The following CYP2C8 variants were observed in gnomAD, a reference collection of about 807,000 sequenced individuals.
CYP2C8 encodes cytochrome P450 family 2 subfamily C member 8, also known as cytochrome P450 2C8.
In CYP2C8, 51 loss-of-function variants were observed where a neutral mutation model predicts 41.3. The observed-to-expected ratio is 1.24, with a 90% CI of 0.99 to 1.56. CYP2C8 has a LOEUF of 1.56. CYP2C8 is among the 40% of genes most tolerant of loss of function. CYP2C8 has a pLI of 0.00. For missense variants in CYP2C8, 651 were observed against 579.9 expected (o/e 1.12, Z -1.26); for synonymous variants, 218 against 205.8 (o/e 1.06, Z -0.51).
chr10:95,046,748 TAAAAAAA>T lies in CYP2C8; in HGVS notation c.820-804_820-798del, dbSNP rs56702266. ...ATGAAGACTTCTATACTAAATATGG[TAAAAAAA>T]AAAAAAAAAAAAAGAAGGCACTTGA... On this transcript the variant is annotated intron_variant, in intron 5 of 8. Coordinates refer to ENST00000371270, the MANE Select transcript of CYP2C8 (RefSeq NM_000770.3). 2.3e-5 allele frequency among the ~76,000 whole-genome samples: 3 copies of T among 128,984 alleles called. No individual in the cohort carries two copies. The Admixed American group carries it at 2.4e-4, about 10-fold the overall frequency. 84.6% of individuals were successfully genotyped at this position (128,984 alleles called of 152,430 possible).
intron 5 of CYP2C8, among the ~76,000 whole-genome samples, chr10:95,049,840 G>A (rs990407659): frequency 4.6e-5 from 7 of 151,106 alleles, no homozygotes. Flanking sequence ...ACTTCCAAAA[G>A]AAACTGCTTT....
chr10:95,057,477 G>A (rs569237849), intron 5 of CYP2C8, among the ~76,000 whole-genome samples: 15 of 151,912 alleles, frequency 9.9e-5, no homozygotes, highest in South Asian at 2.1e-4. Flanking sequence ...TTTTTGTTGC[G>A]ACTGAATGAA....
rs377382488 is a variant in CYP2C8, at chr10:95,045,790, T to C, written c.961+20A>G. 6.2e-7 allele frequency: 1 copy of C among 1,613,736 alleles called. No individual in the cohort carries two copies. The highest frequency in any genetic ancestry group is 1.3e-5 in the African/African-American group (1 of 74,910). ...CAGCATTGTTCTGAAATTCACTTTG[T>C]TCATCATCTGTGGTCCTACCTGTGA... is the stretch of plus-strand genomic sequence containing the variant. On this transcript the variant is annotated intron_variant, in intron 6 of 8. Coordinates refer to ENST00000371270, the MANE Select transcript of CYP2C8 (RefSeq NM_000770.3).
At position 95,038,409 on chromosome 10, in the gene CYP2C8, TGGTCTGAC is replaced by T. The variant is rs551970516; in HGVS notation, c.1291+480_1291+487del. ...CCTGTGCTTTCCTCTCTCACAGTCC[TGGTCTGAC>T]TAAATTACAATGACCTGTTTACTCT... On this transcript the variant is annotated intron_variant, in intron 8 of 8. Transcript: ENST00000371270. 1.0e-3 allele frequency among the ~76,000 whole-genome samples: 153 copies of T among 152,316 alleles called. 1 individual carries two copies. Among genetic ancestry groups the T allele is most frequent in the Non-Finnish European group, 1.6e-3 (107 of 68,014 alleles).
intron 5 of CYP2C8, among the ~76,000 whole-genome samples, chr10:95,057,160 C>T (rs1012939619): frequency 2.0e-5 from 3 of 152,038 alleles, no homozygotes; most frequent in Non-Finnish European, 4.4e-5. Context: ...TAAATTGACA[C>T]GGCATACTGG....
At chr10:95,048,424 G>C (rs1435724322) in intron 5 of CYP2C8, among the ~76,000 whole-genome samples, 1 of 152,142 alleles carries the variant, frequency 6.6e-6, no homozygotes, top group East Asian at 1.9e-4. Context: ...GCAGGTGCAA[G>C]CACCACCTCT....
At chr10:95,069,132 G>T in intron 1 of CYP2C8, 103 bp downstream of exon 1, 4 of 1,299,300 alleles carry the variant, frequency 3.1e-6, no homozygotes, top group Admixed American at 1.7e-5. Context: ...GCTTTACAAT[G>T]ATCTATTATA....
intron 7 of CYP2C8, chr10:95,040,847 T>G: frequency 6.6e-6 from 3 of 454,846 alleles, no homozygotes; most frequent in South Asian, 4.7e-5. Flanking sequence ...AGGATACAAC[T>G]AAGCAGTCAC....
intron 5 of CYP2C8, among the ~76,000 whole-genome samples, chr10:95,050,884 C>T (rs76842296): frequency 1.4e-5 from 2 of 147,540 alleles, no homozygotes; most frequent in African/African-American, 2.5e-5. Context: ...ACAAAAAAAA[C>T]CCCAGACTAC....
In CYP2C8 at chr10:95,058,482, A is replaced by G. The variant is rs1411101501; in HGVS notation, c.672T>C (p.Asp224=). Residue 224 remains aspartate, a synonymous_variant, in exon 5 of 9, where the codon GAT becomes GAC. Coordinates refer to ENST00000371270, the MANE Select transcript of CYP2C8 (RefSeq NM_000770.3). ...QVCNNFPLLI[D]CFPGTHNKVL... Reference sequence around the variant, plus strand: ...CTTTGTTGTGAGTTCCTGGGAAACAATCAATGAGTAGAGGGAAATTATTGC... The same window carrying G: ...CTTTGTTGTGAGTTCCTGGGAAACAGTCAATGAGTAGAGGGAAATTATTGC... The G allele has an allele frequency of 1.2e-6, 2 of 1,612,988 alleles. No individual in the cohort carries two copies. Among genetic ancestry groups the G allele is most frequent in the South Asian group, 1.1e-5 (1 of 90,918 alleles).
At chr10:95,054,458 G>A (rs928257993) in intron 5 of CYP2C8, among the ~76,000 whole-genome samples, 2 of 152,040 alleles carry the variant, frequency 1.3e-5, no homozygotes, top group African/African-American at 2.4e-5. Context: ...ATATCAAATT[G>A]TGAAAATCTA....
Position 95,037,104 on chromosome 10 carries a change from G to A in CYP2C8, c.*24C>T, listed in dbSNP as rs1058932. Reference sequence around the variant, plus strand: ...AAAGAGTTGCAGGTGATAGCAGATCGGCAGCCAGATGGGCTAGCATTCTTC... The same window carrying A: ...AAAGAGTTGCAGGTGATAGCAGATCAGCAGCCAGATGGGCTAGCATTCTTC... On this transcript the variant is annotated 3_prime_UTR_variant, in exon 9 of 9. Coordinates refer to ENST00000371270, the MANE Select transcript of CYP2C8 (RefSeq NM_000770.3). 0.21 allele frequency: 335,384 copies of A among 1,608,544 alleles called. 38,589 individuals carry two copies. Among genetic ancestry groups the A allele is most frequent in the East Asian group, 0.41 (18,514 of 44,824 alleles).
chr10:95,041,965 T>G (rs2134409215), intron 7 of CYP2C8, among the ~76,000 whole-genome samples: 1 of 152,294 alleles, frequency 6.6e-6, no homozygotes, highest in East Asian at 1.9e-4. Flanking sequence ...AACTATCTGT[T>G]TCATAACAAA....
At chr10:95,063,637 C>A (rs1350774797) in intron 4 of CYP2C8, among the ~76,000 whole-genome samples, 1 of 152,224 alleles carries the variant, frequency 6.6e-6, no homozygotes, top group Non-Finnish European at 1.5e-5. Flanking sequence ...CTTCTCTCAG[C>A]TCGTCAAAGT....
chr10:95,064,581 G>A (rs1255151478), intron 4 of CYP2C8, among the ~76,000 whole-genome samples: 3 of 152,060 alleles, frequency 2.0e-5, no homozygotes, highest in Admixed American at 2.0e-4. Flanking sequence ...CACTTCTGAT[G>A]GGGAAATTTT....
Position 95,036,936 on chromosome 10 carries a change from G to C in CYP2C8, c.*192C>G, listed in dbSNP as rs1406840558. ...CAGCAATTAATACAAGTGTTACAGA[G>C]TATGAATAATTGCAGATATATTTGT... On this transcript the variant is annotated 3_prime_UTR_variant, in exon 9 of 9. Coordinates refer to ENST00000371270, the MANE Select transcript of CYP2C8 (RefSeq NM_000770.3). 17 of 648,578 alleles carry C rather than the reference G, an allele frequency of 2.6e-5. No individual in the cohort carries two copies. Among genetic ancestry groups the C allele is most frequent in the Admixed American group, 2.3e-4 (10 of 44,116 alleles). 40.2% of individuals were successfully genotyped at this position (648,578 alleles called of 1,614,324 possible). A position where few individuals can be genotyped will look rare whatever the true frequency, so the allele number is the denominator to read the frequency against.
chr10:95,042,403 TAA>T (rs35525603), intron 7 of CYP2C8, among the ~76,000 whole-genome samples: 4,638 of 151,426 alleles, frequency 0.031, 242 homozygotes, highest in African/African-American at 0.1. Flanking sequence ...TACAAAGAAA[TAA>T]AAAAAAATTA....
intron 5 of CYP2C8, among the ~76,000 whole-genome samples, chr10:95,049,094 T>A (rs2033164919): frequency 6.6e-6 from 1 of 151,858 alleles, no homozygotes; most frequent in South Asian, 2.1e-4. Flanking sequence ...TTTTCCAGAG[T>A]CTACAAGAAA....
chr10:95,051,901 T>C (rs2033220065), intron 5 of CYP2C8, among the ~76,000 whole-genome samples: 1 of 151,850 alleles, frequency 6.6e-6, no homozygotes, highest in Non-Finnish European at 1.5e-5. Context: ...AACAATATAC[T>C]TTAAAAAACT....
Sources: allele counts gnomAD v4.1 joint callset (sites outside exome capture counted in the v4.1 genomes callset), GRCh38; gene constraint gnomAD v4.1.1; transcripts MANE v1.5; gene names NCBI Gene and HGNC (gene_info 2026-07-23, HGNC 2026-07-21).